MACROD2: variants seen among roughly 807,000 people sequenced by gnomAD.
MACROD2 encodes mono-ADP ribosylhydrolase 2, also known as ADP-ribose glycohydrolase MACROD2.
MACROD2 carries 36 observed loss-of-function variants against 70.4 expected under a neutral mutation model. That is an observed-to-expected ratio of 0.51 (90% confidence interval 0.39 to 0.68). The LOEUF (loss-of-function observed/expected upper bound fraction) is 0.68. Ranked by LOEUF, MACROD2 falls within the 30% of genes least tolerant of loss-of-function variation. MACROD2 has a pLI of 0.00. For missense variants in MACROD2, 496 were observed against 538.4 expected (o/e 0.92, Z 0.78); for synonymous variants, 172 against 178.8 (o/e 0.96, Z 0.30).
intron 3 of MACROD2, among the ~76,000 whole-genome samples, chr20:14,215,345 C>CACAG (rs1460405753): frequency 1.5e-5 from 2 of 135,872 alleles, no homozygotes; most frequent in Non-Finnish European, 3.3e-5. Flanking sequence ...TATACACACA[C>CACAG]ACACACACAC....
intron 15 of MACROD2, among the ~76,000 whole-genome samples, chr20:15,995,410 C>T (rs537494499): frequency 2.6e-5 from 4 of 151,096 alleles, no homozygotes; most frequent in East Asian, 2.0e-4. Context: ...AGTGCAGTGG[C>T]GCGATCTGGG....
At chr20:15,063,010 C>T (rs2075545149) in intron 5 of MACROD2, among the ~76,000 whole-genome samples, 1 of 152,210 alleles carries the variant, frequency 6.6e-6, no homozygotes, top group South Asian at 2.1e-4. Context: ...TCAGCTAGAC[C>T]TGGTGCTATA....
At chr20:15,524,083 A>G (rs2047687760) in intron 8 of MACROD2, among the ~76,000 whole-genome samples, 1 of 152,184 alleles carries the variant, frequency 6.6e-6, no homozygotes, top group South Asian at 2.1e-4. Flanking sequence ...CTGTGTGCAC[A>G]TTCATGTTTG....
intron 5 of MACROD2, among the ~76,000 whole-genome samples, chr20:14,857,951 G>C (rs2073273290): frequency 6.6e-6 from 1 of 152,050 alleles, no homozygotes; most frequent in Admixed American, 6.5e-5. Context: ...CTCCCGAGTA[G>C]CTGGGATTAC....
At chr20:14,662,234 G>A (rs1986260910) in intron 4 of MACROD2, among the ~76,000 whole-genome samples, 5 of 152,064 alleles carry the variant, frequency 3.3e-5, no homozygotes, top group Admixed American at 2.0e-4. Context: ...ATAACACACA[G>A]TAGGGAAAGA....
intron 3 of MACROD2, among the ~76,000 whole-genome samples, chr20:14,269,650 G>C (rs555969474): frequency 6.6e-6 from 1 of 152,108 alleles, no homozygotes; most frequent in East Asian, 1.9e-4. Context: ...CAATTTCTTT[G>C]GATTTAATTA....
rs535126194 is a variant in MACROD2, at chr20:14,916,468, T to G, written c.418+231509T>G. Among the ~76,000 whole-genome samples the G allele has an allele frequency of 2.0e-5, 3 of 152,290 alleles. No individual in the cohort carries two copies. In the East Asian group the frequency reaches 5.8e-4, roughly 29 times the overall value. On this transcript the variant is annotated intron_variant, in intron 5 of 17. Transcript: ENST00000684519. ...GGGACCTCAGCTAGTTACTTAGACATCTGGCCCTCTGCTTACTTGTTTGTG... is the reference window on the plus strand; with the variant it reads ...GGGACCTCAGCTAGTTACTTAGACAGCTGGCCCTCTGCTTACTTGTTTGTG...
At chr20:15,776,685 A>G (rs1326202978) in intron 8 of MACROD2, among the ~76,000 whole-genome samples, 1 of 152,230 alleles carries the variant, frequency 6.6e-6, no homozygotes, top group South Asian at 2.1e-4. Context: ...CAACGAGAAC[A>G]TTCCCTTTTA....
chr20:14,535,229 C>G (rs190345023), intron 4 of MACROD2, among the ~76,000 whole-genome samples: 42 of 152,174 alleles, frequency 2.8e-4, no homozygotes, highest in Non-Finnish European at 4.6e-4. Flanking sequence ...CTTGGCTGGG[C>G]GCAGTGGCTC....
intron 5 of MACROD2, among the ~76,000 whole-genome samples, chr20:15,085,171 T>A (rs2075737266): frequency 6.6e-6 from 1 of 152,162 alleles, no homozygotes; most frequent in Non-Finnish European, 1.5e-5. Flanking sequence ...GCTGCTAGAA[T>A]GACTGGGTAT....
At chr20:14,223,504 T>G (rs1475758960) in intron 3 of MACROD2, among the ~76,000 whole-genome samples, 1 of 102,372 alleles carries the variant, frequency 9.8e-6, no homozygotes, top group Non-Finnish European at 1.8e-5. Flanking sequence ...CTCCTCTAAA[T>G]TCTTTTTTTT....
chr20:14,338,464 CT>C (rs140613344), intron 3 of MACROD2, among the ~76,000 whole-genome samples: 1,954 of 152,160 alleles, frequency 0.013, 47 homozygotes, highest in African/African-American at 0.045. Flanking sequence ...ATTAAATGGT[CT>C]GTTCTTTTGG....
chr20:15,310,311 A>C (rs1025645576), intron 6 of MACROD2, among the ~76,000 whole-genome samples: 2 of 152,150 alleles, frequency 1.3e-5, no homozygotes, highest in African/African-American at 4.8e-5. Flanking sequence ...ATTGGGGCCC[A>C]ATGTTGAAAG....
At chr20:14,798,023 G>C (rs1220369669) in intron 5 of MACROD2, among the ~76,000 whole-genome samples, 1 of 152,104 alleles carries the variant, frequency 6.6e-6, no homozygotes, top group Non-Finnish European at 1.5e-5. Context: ...TACATTTTAA[G>C]ATTAAAGTTG....
At chr20:14,161,590 T>C (rs907368593) in intron 3 of MACROD2, among the ~76,000 whole-genome samples, 3 of 151,378 alleles carry the variant, frequency 2.0e-5, no homozygotes, top group African/African-American at 7.3e-5. Context: ...TTTTTTTTTT[T>C]TCTTGAGACG....
At chr20:15,442,303 G>C (rs1044824926) in intron 7 of MACROD2, among the ~76,000 whole-genome samples, 2 of 151,956 alleles carry the variant, frequency 1.3e-5, no homozygotes, top group Non-Finnish European at 2.9e-5. Flanking sequence ...TATTAGTTAG[G>C]GTAAAGTTAA....
At chr20:15,387,737 GAT>G (rs1491489660) in intron 6 of MACROD2, among the ~76,000 whole-genome samples, 103 of 100,578 alleles carry the variant, frequency 1.0e-3, no homozygotes, top group Non-Finnish European at 1.1e-3. Flanking sequence ...AAAACTCAGG[GAT>G]TTTTTTTTTT....
At chr20:14,519,325 CCCA>C (rs1175170138) in intron 4 of MACROD2, among the ~76,000 whole-genome samples, 2 of 152,026 alleles carry the variant, frequency 1.3e-5, no homozygotes, top group Admixed American at 1.3e-4. Flanking sequence ...CCTGAAGTGT[CCCA>C]AACTGTAGGG....
intron 4 of MACROD2, among the ~76,000 whole-genome samples, chr20:14,501,974 C>G (rs991501766): frequency 6.6e-6 from 1 of 152,222 alleles, no homozygotes; most frequent in East Asian, 1.9e-4. Flanking sequence ...GCTTGTGTAG[C>G]TTATCTACTT....
Sources: allele counts gnomAD v4.1 joint callset (sites outside exome capture counted in the v4.1 genomes callset), GRCh38; gene constraint gnomAD v4.1.1; transcripts MANE v1.5; gene names NCBI Gene and HGNC (gene_info 2026-07-23, HGNC 2026-07-21).